Variants in FTO observed in about 807,000 individuals in gnomAD.
FTO encodes the protein alpha-ketoglutarate-dependent dioxygenase FTO.
A neutral mutation model predicts 63.9 loss-of-function variants in FTO; 47 were observed. The observed-to-expected ratio is 0.74, with a 90% CI of 0.58 to 0.94. The LOEUF is 0.94. Ranked by LOEUF, FTO falls within the 40% of genes least tolerant of loss-of-function variation. FTO has a pLI of 0.00. For missense variants in FTO, 562 were observed against 618.1 expected, an observed-to-expected ratio of 0.91 and a Z score of 0.96; for synonymous variants, 207 against 224.4, an observed-to-expected ratio of 0.92 and a Z score of 0.69.
chr16:53,776,605 G>T (rs1313500725), intron 1 of FTO, among the ~76,000 whole-genome samples: 11 of 152,056 alleles, frequency 7.2e-5, no homozygotes, highest in African/African-American at 2.2e-4. Context: ...AGCCTTTATT[G>T]ATTTAAAAAT....
chr16:54,068,011 C>T (rs1481833469), intron 8 of FTO, among the ~76,000 whole-genome samples: 1 of 151,976 alleles, frequency 6.6e-6, no homozygotes, highest in Non-Finnish European at 1.5e-5. Flanking sequence ...ATAACTGGGG[C>T]TTGCTGCTTT....
intron 2 of FTO, among the ~76,000 whole-genome samples, chr16:53,810,751 G>A (rs1308686735): frequency 6.6e-6 from 1 of 152,138 alleles, no homozygotes; most frequent in Non-Finnish European, 1.5e-5. Flanking sequence ...AAAAAATAAG[G>A]GGAATTTATT....
At chr16:53,930,168 C>G (rs932330654) in intron 7 of FTO, among the ~76,000 whole-genome samples, 2 of 148,492 alleles carry the variant, frequency 1.3e-5, no homozygotes, top group African/African-American at 5.0e-5. Flanking sequence ...CAGTATCTCT[C>G]TAGAATGAAA....
At position 54,111,912 on chromosome 16, in the gene FTO, C is replaced by G. The variant is rs1424370756; in HGVS notation, c.1515C>G (p.Pro505=). 3 of 1,614,056 alleles carry G rather than the reference C, an allele frequency of 1.9e-6. No individual in the cohort carries two copies. The highest frequency in any genetic ancestry group is 1.7e-5 in the Admixed American group (1 of 60,004). ...ELRGQLLEAK[P] ...GAGGTCAGCTTCTGGAAGCAAAACCCTAGAAGGAGCACAAGTCTCAGGCGG... is the reference window on the plus strand; with the variant it reads ...GAGGTCAGCTTCTGGAAGCAAAACCGTAGAAGGAGCACAAGTCTCAGGCGG... Residue 505 remains proline, a synonymous_variant, in exon 9 of 9, where the codon CCC becomes CCG. Coordinates refer to ENST00000471389, the MANE Select transcript of FTO (RefSeq NM_001080432.3).
intron 7 of FTO, among the ~76,000 whole-genome samples, chr16:53,930,518 A>AGCCACTGCACCT (rs2082256685): frequency 3.3e-5 from 5 of 152,106 alleles, no homozygotes; most frequent in Non-Finnish European, 2.9e-5. Flanking sequence ...CCACCGCGCC[A>AGCCACTGCACCT]GGCCAATTAT....
chr16:53,810,104 C>T (rs745634185), intron 1 of FTO, 36 bp from the exon 2 acceptor site: 3 of 1,392,646 alleles, frequency 2.2e-6, no homozygotes, highest in Admixed American at 3.4e-5. Flanking sequence ...TGGGTTATTG[C>T]ATATTCACTT....
At chr16:53,747,905 C>T (rs1048933538) in intron 1 of FTO, among the ~76,000 whole-genome samples, 42 of 152,122 alleles carry the variant, frequency 2.8e-4, no homozygotes, top group African/African-American at 2.2e-4. Flanking sequence ...TTCTCAACAC[C>T]GTTTATTGAA....
intron 8 of FTO, among the ~76,000 whole-genome samples, chr16:54,016,563 A>T (rs2084453458): frequency 6.6e-6 from 1 of 152,218 alleles, no homozygotes; most frequent in Non-Finnish European, 1.5e-5. Flanking sequence ...TTGTAGCACA[A>T]GTTGTTTAAT....
chr16:53,893,346 G>C (rs2081200665), intron 7 of FTO, among the ~76,000 whole-genome samples: 1 of 152,020 alleles, frequency 6.6e-6, no homozygotes, highest in Non-Finnish European at 1.5e-5. Flanking sequence ...TGCCATCCAA[G>C]ATGATTGTAT....
chr16:54,080,934 C>T (rs1396183167), intron 8 of FTO, among the ~76,000 whole-genome samples: 1 of 152,092 alleles, frequency 6.6e-6, no homozygotes, highest in East Asian at 1.9e-4. Context: ...GTCACAAGCT[C>T]CAAAAGATCC....
chr16:53,812,764 G>A (rs954232939), intron 2 of FTO, among the ~76,000 whole-genome samples: 2 of 152,142 alleles, frequency 1.3e-5, no homozygotes, highest in Non-Finnish European at 2.9e-5. Context: ...GTACAGAAAT[G>A]TCATACTGCA....
rs1157523548 is a variant in FTO, at chr16:53,944,780, T to C, written c.1364+10671T>C. ...ACACCCAGAGCAAGTACCTGTAACG[T>C]ATTAGGTGTTCAATAAAAATGACCT... is the stretch of plus-strand genomic sequence containing the variant. On this transcript the variant is annotated intron_variant, in intron 8 of 8. Coordinates refer to ENST00000471389, the MANE Select transcript of FTO (RefSeq NM_001080432.3). 5.9e-5 allele frequency among the ~76,000 whole-genome samples: 9 copies of C among 152,322 alleles called. No homozygotes were observed. In the East Asian group the frequency reaches 1.7e-3, roughly 29 times the overall value.
chr16:53,889,247 G>A (rs1314064904), intron 7 of FTO, among the ~76,000 whole-genome samples: 1 of 152,166 alleles, frequency 6.6e-6, no homozygotes, highest in Non-Finnish European at 1.5e-5. Flanking sequence ...ATTTTTATAT[G>A]CATCAGGTGC....
intron 8 of FTO, among the ~76,000 whole-genome samples, chr16:54,001,391 G>A (rs578241637): frequency 1.2e-4 from 19 of 152,188 alleles, no homozygotes; most frequent in East Asian, 1.9e-4. Context: ...GTATGATTCC[G>A]TACCATGAAT....
chr16:53,968,470 A>C (rs1399145959), intron 8 of FTO, among the ~76,000 whole-genome samples: 1 of 152,200 alleles, frequency 6.6e-6, no homozygotes, highest in Non-Finnish European at 1.5e-5. Context: ...AAATTCTGGT[A>C]ATGAAATACA....
At chr16:53,935,489 A>G (rs2082367306) in intron 8 of FTO, 1 of 152,198 alleles carries the variant, frequency 6.6e-6, no homozygotes, top group African/African-American at 2.4e-5. Flanking sequence ...AAAATTCCCA[A>G]TGATATTCAC....
intron 8 of FTO, among the ~76,000 whole-genome samples, chr16:53,971,197 G>C (rs1364275448): frequency 3.9e-5 from 6 of 152,086 alleles, no homozygotes; most frequent in African/African-American, 1.4e-4. Context: ...CCTTTAAGTT[G>C]CTTTTGATTT....
chr16:53,845,559 C>G (rs1288292043), intron 4 of FTO, among the ~76,000 whole-genome samples: 1 of 152,178 alleles, frequency 6.6e-6, no homozygotes, highest in Non-Finnish European at 1.5e-5. Context: ...TAATCTTTCA[C>G]TGAATTGAAT....
At chr16:53,973,650 C>T (rs1328734146) in intron 8 of FTO, among the ~76,000 whole-genome samples, 6 of 151,854 alleles carry the variant, frequency 4.0e-5, no homozygotes, top group Non-Finnish European at 7.4e-5. Context: ...AGATTTGGAC[C>T]GTGTCTGGGG....
Sources: gnomAD v4.1 joint callset for allele counts (sites outside exome capture counted in the v4.1 genomes callset) on GRCh38, gnomAD v4.1.1 for gene constraint, MANE v1.5 for transcripts, NCBI Gene and HGNC (gene_info 2026-07-23, HGNC 2026-07-21) for gene names.